The following HERC1 variants were observed in gnomAD, a reference collection of about 807,000 sequenced individuals.
HERC1 encodes probable E3 ubiquitin-protein ligase HERC1.
A neutral mutation model predicts 554.3 loss-of-function variants in HERC1; 160 were observed. The observed-to-expected ratio is 0.29, with a 90% confidence interval of 0.25 to 0.33. HERC1 has a LOEUF of 0.33. HERC1 is among the 10% of genes least tolerant of loss of function. The pLI is 1.00. For missense variants in HERC1, 4,919 were observed against 5,918.5 expected (o/e 0.83, Z 5.54); for synonymous variants, 2,175 against 2,131.7 (o/e 1.02, Z -0.56).
At position 63,652,463 on chromosome 15, in the gene HERC1, C is replaced by T; in HGVS notation, c.10369G>A (p.Val3457Ile). Residue 3457 changes from valine to isoleucine, a missense_variant, in exon 52 of 78, where the codon GTT (valine) becomes ATT (isoleucine). Transcript: ENST00000443617. ...GNDGTIRVWN[V>I]TKKQYSLQQT... ...TGCAGTGAATATTGCTTCTTGGTAA[C>T]ATTCCATACGCGGATGGTGCCATCA... The T allele has an allele frequency of 6.2e-7, 1 of 1,612,284 alleles. No individual in the cohort carries two copies. Among genetic ancestry groups the T allele is most frequent in the Non-Finnish European group, 8.5e-7 (1 of 1,178,896 alleles).
At chr15:63,628,953 C>CTTTT in intron 69 of HERC1, 138 bp from the exon 70 acceptor site, 3 of 530,270 alleles carry the variant, frequency 5.7e-6, no homozygotes, top group Non-Finnish European at 6.3e-6. Context: ...AAAACACATT[C>CTTTT]TTTTTTTTTT....
At position 63,723,330 on chromosome 15, in the gene HERC1, T is replaced by C; in HGVS notation, c.3594A>G (p.Glu1198=). Residue 1198 remains glutamate, a synonymous_variant, in exon 19 of 78, where the codon GAA becomes GAG. Coordinates refer to ENST00000443617, the MANE Select transcript of HERC1 (RefSeq NM_003922.4). Reference sequence around the variant, plus strand: ...GTTCTTCATTTCCAGAAAGTGCTACTTCTAACAGGCAACTCATACATTTAT... The same window carrying C: ...GTTCTTCATTTCCAGAAAGTGCTACCTCTAACAGGCAACTCATACATTTAT... ...QLDKCMSCLL[E]VALSGNEEQK... is the part of the protein sequence containing the mutation. 6.3e-7 allele frequency: 1 copy of C among 1,588,814 alleles called. No individual in the cohort carries two copies. The highest frequency in any genetic ancestry group is 8.6e-7 in the Non-Finnish European group (1 of 1,167,452).
At chr15:63,807,973 T>C (rs1318306416) in intron 1 of HERC1, among the ~76,000 whole-genome samples, 1 of 151,968 alleles carries the variant, frequency 6.6e-6, no homozygotes, top group South Asian at 2.1e-4. Flanking sequence ...CACAAGGAAC[T>C]ACTTTGAAAA....
At chr15:63,769,420 C>CA (rs58601053) in intron 2 of HERC1, among the ~76,000 whole-genome samples, 15 of 149,898 alleles carry the variant, frequency 1.0e-4, no homozygotes, top group East Asian at 3.9e-4. Context: ...ACTCTGTTTC[C>CA]AAAAAAAACA....
rs199600997 is a variant in HERC1, at chr15:63,672,580, G to C, written c.7961C>G (p.Thr2654Ser). 11 of 1,611,624 alleles carry C rather than the reference G, an allele frequency of 6.8e-6. 1 individual carries two copies. ...AGTGACTGGAGTGGTGGCAGTTGTG[G>C]TGTCCTCCAGAGAGCTGCTCATAAA... ...TSFMSSSLEDTTTATTPVTDT... is the reference protein window; with the variant it reads ...TSFMSSSLEDSTTATTPVTDT... The change falls in exon 39 of 78, where the codon ACC becomes AGC. Residue 2654 changes from threonine to serine, a missense_variant. Around this residue, in one of 11 missense-constraint regions of HERC1, gnomAD observed 1,963 missense variants for 2,228.6 expected, o/e 0.88. Transcript: ENST00000443617.
In HERC1 at chr15:63,647,950, T is replaced by A. The variant is rs796308598; in HGVS notation, c.10878+119A>T. 5 of 777,482 alleles carry A rather than the reference T, an allele frequency of 6.4e-6. No homozygotes were observed. The African/African-American group carries it at 8.7e-5, about 13-fold the overall frequency. The allele number at this position is 777,482 out of a possible 1,614,324, so 48.2% of individuals were successfully genotyped here. On this transcript the variant is annotated intron_variant, in intron 55 of 77. Coordinates refer to ENST00000443617, the MANE Select transcript of HERC1 (RefSeq NM_003922.4). ...ATGAGAGATTACTTGATGGGTACAA[T>A]GTATGTCATTTGGGTGATGGATATC...
Position 63,727,060 on chromosome 15 carries a change from A to G in HERC1, c.3346+587T>C, listed in dbSNP as rs1238788252. Among the ~76,000 whole-genome samples, 1 of 151,774 alleles carries G rather than the reference A, an allele frequency of 6.6e-6. No homozygotes were observed. The highest frequency in any genetic ancestry group is 1.5e-5 in the Non-Finnish European group (1 of 67,932). On this transcript the variant is annotated intron_variant, in intron 17 of 77. Transcript: ENST00000443617. This position sits in a 1 kb window ranked among gnomAD's most constrained non-coding sequence, Gnocchi z 4.3. ...TGGGAGGCTGAGGTGGGCGGATCAC[A>G]AGGTCAGGAGTTCAAGAACAGCCTG...
chr15:63,649,999 C>T (rs1224972380), intron 53 of HERC1, 74 bp from the exon 54 acceptor site: 1 of 1,094,894 alleles, frequency 9.1e-7, no homozygotes, highest in Non-Finnish European at 1.3e-6. Context: ...ACAAATACTA[C>T]TTAATTCTAA....
At chr15:63,665,885 A>T in intron 42 of HERC1, 34 bp downstream of exon 42, 1 of 1,509,454 alleles carries the variant, frequency 6.6e-7, no homozygotes, top group Non-Finnish European at 9.1e-7. Flanking sequence ...AATTTATAAC[A>T]CATGGAACAA....
chr15:63,779,120 A>G (rs2076202397), intron 1 of HERC1, among the ~76,000 whole-genome samples: 1 of 152,058 alleles, frequency 6.6e-6, no homozygotes, highest in Admixed American at 6.5e-5. Context: ...AATTAGAAAA[A>G]GATAAGAAAA....
intron 52 of HERC1, 86 bp downstream of exon 52, chr15:63,652,328 C>T: frequency 2.3e-6 from 3 of 1,282,090 alleles, no homozygotes; most frequent in South Asian, 1.8e-5. Flanking sequence ...ATTTTAGTGA[C>T]AATATGATTA....
chr15:63,658,775 C>T (rs994750171), intron 47 of HERC1, 57 bp from the exon 48 acceptor site: 35 of 1,357,932 alleles, frequency 2.6e-5, no homozygotes, highest in Non-Finnish European at 3.5e-5. Context: ...TACATCTGAA[C>T]TACTAAAAAC....
intron 1 of HERC1, among the ~76,000 whole-genome samples, chr15:63,813,311 GACAC>G (rs10534978): frequency 0.041 from 5,710 of 139,210 alleles, 233 homozygotes; most frequent in African/African-American, 0.11. Context: ...ATCAGAGATG[GACAC>G]ACACACACAC....
chr15:63,716,872 C>T (rs1208150933), intron 21 of HERC1, among the ~76,000 whole-genome samples: 1 of 152,094 alleles, frequency 6.6e-6, no homozygotes, highest in African/African-American at 2.4e-5. Context: ...GTTACTATTA[C>T]TCTGCATAAA....
Position 63,718,980 on chromosome 15 carries a change from C to A in HERC1, c.3743-83G>T. ...AATTTTTATAGCTTTAGTCATCCAA[C>A]ACCTGAATTTTATCATCTTTCTAAA... On this transcript the variant is annotated intron_variant, in intron 19 of 77. Coordinates refer to ENST00000443617, the MANE Select transcript of HERC1 (RefSeq NM_003922.4). This position sits in a 1 kb window ranked among gnomAD's most constrained non-coding sequence, Gnocchi z 4.2. 1.2e-6 allele frequency: 1 copy of A among 855,822 alleles called. No homozygotes were observed. Among genetic ancestry groups the A allele is most frequent in the Non-Finnish European group, 1.8e-6 (1 of 545,664 alleles). The allele number at this position is 855,822 out of a possible 1,614,324, so 53.0% of individuals were successfully genotyped here.
Position 63,672,041 on chromosome 15 carries a change from G to A in HERC1, c.8045+455C>T, listed in dbSNP as rs116543356. 8.7e-3 allele frequency among the ~76,000 whole-genome samples: 1,323 copies of A among 152,246 alleles called. 20 individuals are homozygous for A. The highest frequency in any genetic ancestry group is 0.029 in the African/African-American group (1,185 of 41,544). On this transcript the variant is annotated intron_variant, in intron 39 of 77. Transcript: ENST00000443617. ...GAAGCATCATAAGACATGCCCTTTC[G>A]TTTGAAAAGCAGACTTGCTCGAAAT...
intron 1 of HERC1, among the ~76,000 whole-genome samples, chr15:63,810,647 A>T (rs2077275832): frequency 6.6e-6 from 1 of 152,226 alleles, no homozygotes; most frequent in Non-Finnish European, 1.5e-5. Flanking sequence ...ATTTAAAAAA[A>T]GGGCAAAGAT....
intron 47 of HERC1, 36 bp from the exon 48 acceptor site, chr15:63,658,754 T>A (rs1252982899): frequency 3.2e-6 from 5 of 1,549,488 alleles, no homozygotes; most frequent in Middle Eastern, 1.7e-4. Flanking sequence ...CTCAACAAGG[T>A]AAGAAAAAAA....
At position 63,623,937 on chromosome 15, in the gene HERC1, T is replaced by C. The variant is rs984546627; in HGVS notation, c.13446-47A>G. On this transcript the variant is annotated intron_variant, in intron 72 of 77. Coordinates refer to ENST00000443617, the MANE Select transcript of HERC1 (RefSeq NM_003922.4). ...CAATGAAATACAACTCTTACCAATT[T>C]CCCCAAAATCACATGATATCTTCCC... 4.4e-6 allele frequency: 7 copies of C among 1,585,802 alleles called. No homozygotes were observed. The Admixed American group carries it at 1.0e-4, about 23-fold the overall frequency.
Sources: allele counts gnomAD v4.1 joint callset (sites outside exome capture counted in the v4.1 genomes callset), GRCh38; gene constraint gnomAD v4.1.1; regional missense constraint gnomAD v4.1.1; non-coding constraint Gnocchi (gnomAD v3.1); transcripts MANE v1.5; gene names NCBI Gene and HGNC (gene_info 2026-07-23, HGNC 2026-07-21).